OR6K3: variants seen among roughly 807,000 people sequenced by gnomAD.
The protein encoded by OR6K3 is olfactory receptor family 6 subfamily K member 3.
For synonymous variants in OR6K3, 169 were observed against 137.7 expected (o/e 1.23, Z -1.59); for missense variants, 396 against 382.5 (o/e 1.04, Z -0.29).
At chr1:158,722,337 A>G (rs1656297928), upstream of OR6K3, among the ~76,000 whole-genome samples, 1 of 152,008 alleles carries the variant, frequency 6.6e-6, no homozygotes, top group African/African-American at 2.4e-5. Context: ...TTTGTGCTAA[A>G]AAGTTGTGCT....
rs540942951 is a variant in OR6K3, at chr1:158,717,062, G to A, written c.*106C>T. ...AAAACCAGGAGGTGGAGGTTGCAGT[G>A]AGCCAAGATCATGCCATTGCACTCC... On this transcript the variant is annotated 3_prime_UTR_variant, in exon 2 of 2. Transcript: ENST00000368145. 408 of 788,462 alleles carry A rather than the reference G, an allele frequency of 5.2e-4. No homozygotes were observed. Among genetic ancestry groups the A allele is most frequent in the Middle Eastern group, 7.3e-4 (3 of 4,132 alleles). The allele number at this position is 788,462 out of a possible 1,614,324, so 48.8% of individuals were successfully genotyped here.
At chr1:158,718,165 A>C (rs996975084) in intron 1 of OR6K3, 33 bp from the exon 2 acceptor site, 1 of 1,092,624 alleles carries the variant, frequency 9.2e-7, no homozygotes, top group South Asian at 1.5e-5. Flanking sequence ...CCAGCACATG[A>C]GAGGGTAGAG....
chr1:158,717,697 A>G lies in OR6K3; in HGVS notation c.419T>C (p.Leu140Pro). Residue 140 changes from leucine (L) to proline (P), a missense_variant, in exon 2 of 2, where the codon CTC becomes CCC. Transcript: ENST00000368145. ...LRYQMIMTPR[L>P]CAQLSAGSCL... ...GGAACCTGCAGAGAGTTGAGCACAG[A>G]GCCGGGGGGTCATGATCATTTGATA... 6.2e-7 allele frequency: 1 copy of G among 1,613,768 alleles called. No individual in the cohort carries two copies.
chr1:158,718,134 T>A lies in OR6K3; in HGVS notation c.-17-2A>T. The A allele has an allele frequency of 6.7e-7, 1 of 1,493,624 alleles. No homozygotes were observed. Among genetic ancestry groups the A allele is most frequent in the Non-Finnish European group, 9.3e-7 (1 of 1,078,202 alleles). 92.5% of individuals were successfully genotyped at this position (1,493,624 alleles called of 1,614,324 possible). On this transcript the variant is annotated splice_acceptor_variant, in intron 1 of 1. Transcript: ENST00000368145. LOFTEE classifies it low-confidence loss of function (5UTR_SPLICE). The stretch of plus-strand genomic sequence containing the variant: ...TCTCCATATTTCTAGTAGAGCTACC[T>A]GTAAATGGAGAGGGCATAGTCCAGC...
At position 158,717,451 on chromosome 1, in the gene OR6K3, G is replaced by GTGACAAT; in HGVS notation, c.658_664dup (p.Thr222AsnfsTer12). The GTGACAAT allele has an allele frequency of 6.2e-7, 1 of 1,613,716 alleles. No homozygotes were observed. Among genetic ancestry groups the GTGACAAT allele is most frequent in the Non-Finnish European group, 8.5e-7 (1 of 1,179,770 alleles). On this transcript the variant is annotated frameshift_variant, in exon 2 of 2. Transcript: ENST00000368145. LOFTEE classifies it low-confidence loss of function (END_TRUNC). Reference sequence around the variant, plus strand: ...AGAAGAGGGAATCCTCAATATCACAGTGACAATTCTTACATAGGACAGGGC... The same window carrying GTGACAAT: ...AGAAGAGGGAATCCTCAATATCACAGTGACAATTGACAATTCTTACATAGGACAGGGC...
At position 158,717,498 on chromosome 1, in the gene OR6K3, G is replaced by A; in HGVS notation, c.618C>T (p.Ile206=). 2 of 1,613,748 alleles carry A rather than the reference G, an allele frequency of 1.2e-6. No individual in the cohort carries two copies. Among genetic ancestry groups the A allele is most frequent in the Non-Finnish European group, 1.7e-6 (2 of 1,179,784 alleles). ...LIEDVIHAVT[I]IITFLIIALS... ...GGGCAATGATTAGGAAGGTAATGATGATGGTCACAGCATGAATCACATCCT... is the reference window on the plus strand; with the variant it reads ...GGGCAATGATTAGGAAGGTAATGATAATGGTCACAGCATGAATCACATCCT... The change falls in exon 2 of 2, where the codon ATC becomes ATT. Residue 206 remains isoleucine (I), a synonymous_variant. Coordinates refer to ENST00000368145, the MANE Select transcript of OR6K3 (RefSeq NM_001005327.3).
chr1:158,722,149 G>A (rs1268719843), upstream of OR6K3, among the ~76,000 whole-genome samples: 1 of 151,870 alleles, frequency 6.6e-6, no homozygotes, highest in Non-Finnish European at 1.5e-5. Context: ...AATACAAACG[G>A]TGTATGGCAA....
At position 158,717,615 on chromosome 1, in the gene OR6K3, A is replaced by G; in HGVS notation, c.501T>C (p.Pro167=). The G allele has an allele frequency of 1.2e-6, 2 of 1,613,852 alleles. No individual in the cohort carries two copies. The highest frequency in any genetic ancestry group is 1.7e-6 in the Non-Finnish European group (2 of 1,179,840). The change falls in exon 2 of 2, where the codon CCT becomes CCC. Residue 167 remains proline (P), a synonymous_variant. Transcript: ENST00000368145. ...LPEIVMISTL[P]FCGPNQIHQI... The stretch of plus-strand genomic sequence containing the variant: ...GATGGATTTGGTTGGGCCCACAGAA[A>G]GGCAGTGTGGAAATCATCACAATCT...
At chr1:158,721,547 G>GT (rs914781106), upstream of OR6K3, among the ~76,000 whole-genome samples, 3 of 151,186 alleles carry the variant, frequency 2.0e-5, no homozygotes, top group Admixed American at 6.6e-5. Flanking sequence ...TAACTTGTAG[G>GT]TTTTTTTTAA....
At chr1:158,718,895 CAGTGTTTAAT>C (rs1170795014) in intron 1 of OR6K3, among the ~76,000 whole-genome samples, 2 of 152,156 alleles carry the variant, frequency 1.3e-5, no homozygotes, top group Non-Finnish European at 1.5e-5. Flanking sequence ...AAGATTTGGA[CAGTGTTTAAT>C]AGGCAACTTC....
At chr1:158,720,867 T>A (rs1656268085), upstream of OR6K3, 1 of 152,014 alleles carries the variant, frequency 6.6e-6, no homozygotes, top group African/African-American at 2.4e-5. Context: ...CCTTCTCTCA[T>A]GGGGTTAATT....
Position 158,717,852 on chromosome 1 carries a change from T to C in OR6K3, c.264A>G (p.Glu88=). 6.2e-7 allele frequency: 1 copy of C among 1,613,820 alleles called. No homozygotes were observed. The highest frequency in any genetic ancestry group is 1.3e-5 in the African/African-American group (1 of 75,014). ...AGCCAGTCATTGAGATGGCCTTCTT[T>C]TCACTGATGAGGTTGGAGAGCATCT... ...IPKMLSNLIS[E]KKAISMTGCI... Residue 88 remains glutamate, a synonymous_variant, in exon 2 of 2, where the codon GAA becomes GAG. Transcript: ENST00000368145.
intron 1 of OR6K3, among the ~76,000 whole-genome samples, chr1:158,719,447 C>A (rs1044059559): frequency 2.6e-5 from 4 of 151,996 alleles, no homozygotes; most frequent in African/African-American, 9.7e-5. Flanking sequence ...TCTTAACTCT[C>A]TGTAGCTTCA....
upstream of OR6K3, among the ~76,000 whole-genome samples, chr1:158,723,014 A>G (rs954897682): frequency 2.6e-5 from 4 of 152,004 alleles, no homozygotes; most frequent in African/African-American, 4.8e-5. Context: ...AGGTCATCTA[A>G]CAGTTCATCT....
rs769812658 is a variant in OR6K3, at chr1:158,718,018, A to C, written c.98T>G (p.Phe33Cys). 7 of 1,612,972 alleles carry C rather than the reference A, an allele frequency of 4.3e-6. 1 individual carries two copies. The South Asian group carries it at 7.7e-5, about 18-fold the overall frequency. Reference sequence around the variant, plus strand: ...ATCAATGATAATAAAAGTATAGATGAAAAGTAAAGGAAAGAAGTACAGGAG... The same window carrying C: ...ATCAATGATAATAAAAGTATAGATGCAAAGTAAAGGAAAGAAGTACAGGAG... The part of the protein sequence containing the change: ...GSLLYFFPLL[F>C]IYTFIIIDNL... The change falls in exon 2 of 2, where the codon TTC (phenylalanine) becomes TGC (cysteine). Residue 33 changes from phenylalanine to cysteine, a missense_variant. Coordinates refer to ENST00000368145, the MANE Select transcript of OR6K3 (RefSeq NM_001005327.3).
intron 1 of OR6K3, 70 bp from the exon 2 acceptor site, chr1:158,718,202 A>T: frequency 4.9e-6 from 4 of 809,250 alleles, no homozygotes; most frequent in African/African-American, 1.7e-5. Flanking sequence ...TGTACAGCTA[A>T]ACATCTTTGA....
upstream of OR6K3, among the ~76,000 whole-genome samples, chr1:158,720,997 G>A (rs746069747): frequency 6.6e-6 from 1 of 151,922 alleles, no homozygotes; most frequent in Non-Finnish European, 1.5e-5. Flanking sequence ...TCCTTCTCTA[G>A]CACTTTCATG....
chr1:158,721,119 C>A (rs1350684107), upstream of OR6K3, among the ~76,000 whole-genome samples: 3 of 152,000 alleles, frequency 2.0e-5, no homozygotes, highest in Non-Finnish European at 4.4e-5. Context: ...AAGGAATATA[C>A]TGACACCAGA....
At chr1:158,719,766 G>A (rs995156134) in intron 1 of OR6K3, among the ~76,000 whole-genome samples, 1 of 151,976 alleles carries the variant, frequency 6.6e-6, no homozygotes, top group Admixed American at 6.6e-5. Flanking sequence ...ATTAATACTG[G>A]TTAATGAAGT....
Sources: allele counts gnomAD v4.1 joint callset (sites outside exome capture counted in the v4.1 genomes callset), GRCh38; gene constraint gnomAD v4.1.1; transcripts MANE v1.5; gene names NCBI Gene and HGNC (gene_info 2026-07-23, HGNC 2026-07-21).